Variants in PCDHGB1 observed in about 807,000 individuals in gnomAD.
PCDHGB1 encodes the protein protocadherin gamma-B1.
PCDHGB1 carries 34 observed loss-of-function variants against 56.6 expected under a neutral mutation model. The ratio of observed to expected loss-of-function variants is 0.60; its 90% CI spans 0.46 to 0.80. The LOEUF (loss-of-function observed/expected upper bound fraction) is 0.80, where lower values mean the gene tolerates loss of function less well. Ranked by LOEUF, PCDHGB1 falls within the 30% of genes least tolerant of loss-of-function variation. PCDHGB1 has a pLI of 0.00. For missense variants in PCDHGB1, 1,278 were observed against 1,204.6 expected (o/e 1.06, Z -0.90); for synonymous variants, 561 against 505.9 (o/e 1.11, Z -1.46).
chr5:141,484,699 T>A (rs899065665), intron 1 of PCDHGB1, among the ~76,000 whole-genome samples: 4 of 151,966 alleles, frequency 2.6e-5, no homozygotes, highest in African/African-American at 9.7e-5. Flanking sequence ...GCTGTGGCTG[T>A]TTTCCCCGCC....
chr5:141,488,564 G>A (rs1047904416), intron 1 of PCDHGB1, among the ~76,000 whole-genome samples: 4 of 152,154 alleles, frequency 2.6e-5, no homozygotes, highest in Non-Finnish European at 5.9e-5. Context: ...TGAGATTTCC[G>A]CAAAGCATTG....
At chr5:141,456,119 C>G (rs902179639) in intron 1 of PCDHGB1, among the ~76,000 whole-genome samples, 3 of 151,826 alleles carry the variant, frequency 2.0e-5, no homozygotes, top group Non-Finnish European at 4.4e-5. Flanking sequence ...GGATGGTCTC[C>G]ATCTCCTGAC....
At chr5:141,356,269 C>T in intron 1 of PCDHGB1, 1 of 1,562,502 alleles carries the variant, frequency 6.4e-7, no homozygotes, top group Non-Finnish European at 8.7e-7. Context: ...CAGCTCAGTC[C>T]AGGAATCTTC....
At chr5:141,469,438 G>T (rs2099201339) in intron 1 of PCDHGB1, among the ~76,000 whole-genome samples, 1 of 152,112 alleles carries the variant, frequency 6.6e-6, no homozygotes, top group African/African-American at 2.4e-5. Flanking sequence ...AGCTGGGCGT[G>T]GTGGTGCACA....
In PCDHGB1 at chr5:141,485,079, A is replaced by C; in HGVS notation, c.2410-9728A>C. ...AACCGCGCCAGAGCTGGCGCGGGGA[A>C]AGGGAGATAGGTGTCTCCAGCTGCT... is the stretch of plus-strand genomic sequence containing the variant. On this transcript the variant is annotated intron_variant, in intron 1 of 3. Transcript: ENST00000523390. This position sits in a 1 kb window ranked among gnomAD's most constrained non-coding sequence, Gnocchi z 5.7. 1 of 949,456 alleles carries C rather than the reference A, an allele frequency of 1.1e-6. No individual in the cohort carries two copies. The highest frequency in any genetic ancestry group is 1.6e-6 in the Non-Finnish European group (1 of 614,758). 58.8% of individuals were successfully genotyped at this position (949,456 alleles called of 1,614,324 possible).
At chr5:141,427,952 T>C (rs1311471634) in intron 1 of PCDHGB1, 38 of 1,587,018 alleles carry the variant, frequency 2.4e-5, no homozygotes, top group Non-Finnish European at 2.8e-5. Flanking sequence ...TCAATGACAA[T>C]GTGCCGCGGG....
chr5:141,407,009 T>C (rs1388688972), intron 1 of PCDHGB1, among the ~76,000 whole-genome samples: 1 of 152,198 alleles, frequency 6.6e-6, no homozygotes, highest in Non-Finnish European at 1.5e-5. Flanking sequence ...AGCTTTGAAG[T>C]TGACTCAAAA....
Position 141,487,007 on chromosome 5 carries a change from G to C in PCDHGB1, c.2410-7800G>C, listed in dbSNP as rs563548715. On this transcript the variant is annotated intron_variant, in intron 1 of 3. Transcript: ENST00000523390. This position sits in a 1 kb window ranked among gnomAD's most constrained non-coding sequence, Gnocchi z 5.0. ...TGCTTGGGTTTCCTATCAGCTCCTG[G>C]AGGCCCCAGATCCCAGCCTGTTTGC... The C allele has an allele frequency of 6.2e-7, 1 of 1,614,206 alleles. No individual in the cohort carries two copies. Among genetic ancestry groups the C allele is most frequent in the Non-Finnish European group, 8.5e-7 (1 of 1,180,042 alleles).
intron 1 of PCDHGB1, chr5:141,410,578 T>G: frequency 1.9e-6 from 3 of 1,610,984 alleles, no homozygotes; most frequent in Non-Finnish European, 2.5e-6. Context: ...TTCCACCTCA[T>G]GGTGGGGAGG....
chr5:141,371,751 C>T (rs1768003581), intron 1 of PCDHGB1: 1 of 1,613,918 alleles, frequency 6.2e-7, no homozygotes. Flanking sequence ...TCCCGTTTTC[C>T]ACCAGGCCTC....
Position 141,486,388 on chromosome 5 carries a change from C to T in PCDHGB1, c.2410-8419C>T, listed in dbSNP as rs2099628930. ...TCAAGTCTGCCTTCAGGAACCAGTT[C>T]TCCCTGGTGACTGCTGGACCCTTGG... On this transcript the variant is annotated intron_variant, in intron 1 of 3. Coordinates refer to ENST00000523390, the MANE Select transcript of PCDHGB1 (RefSeq NM_018922.3). This position sits in a 1 kb window ranked among gnomAD's most constrained non-coding sequence, Gnocchi z 5.0. 2 of 1,613,988 alleles carry T rather than the reference C, an allele frequency of 1.2e-6. No individual in the cohort carries two copies. The highest frequency in any genetic ancestry group is 2.7e-5 in the African/African-American group (2 of 74,924).
At chr5:141,372,676 CA>C (rs1170718624) in intron 1 of PCDHGB1, 3 of 1,613,898 alleles carry the variant, frequency 1.9e-6, no homozygotes, top group Non-Finnish European at 1.7e-6. Context: ...TCACATTCCT[CA>C]AACACCGAGT....
At chr5:141,433,560 G>A (rs1276743163) in intron 1 of PCDHGB1, among the ~76,000 whole-genome samples, 1 of 152,110 alleles carries the variant, frequency 6.6e-6, no homozygotes, top group East Asian at 1.9e-4. Flanking sequence ...TTCTGGCTGG[G>A]CGCGGTGGCT....
At chr5:141,376,407 A>G (rs1352753803) in intron 1 of PCDHGB1, 2 of 1,614,198 alleles carry the variant, frequency 1.2e-6, no homozygotes, top group Non-Finnish European at 1.7e-6. Flanking sequence ...CAGCCCAACT[A>G]TGCCGACACG....
intron 1 of PCDHGB1, chr5:141,366,994 T>C (rs991537979): frequency 6.5e-6 from 3 of 463,862 alleles, no homozygotes; most frequent in Non-Finnish European, 1.1e-5. Flanking sequence ...TGGTTAAATA[T>C]AATCATTTTA....
chr5:141,403,753 C>T lies in PCDHGB1; in HGVS notation c.2409+51084C>T, dbSNP rs767515334. 1.5e-5 allele frequency: 25 copies of T among 1,613,504 alleles called. No homozygotes were observed. In the South Asian group the frequency reaches 2.6e-4, roughly 17 times the overall value. On this transcript the variant is annotated intron_variant, in intron 1 of 3. Transcript: ENST00000523390. ...CCTGGCTGCTTACTGCAACAGCCAG[C>T]GACCTGGATGAGGGAATCAACGGAA...
intron 1 of PCDHGB1, among the ~76,000 whole-genome samples, chr5:141,455,574 C>T (rs1214642742): frequency 6.6e-6 from 1 of 152,158 alleles, no homozygotes; most frequent in Non-Finnish European, 1.5e-5. Flanking sequence ...CCTCCCACCC[C>T]AGCCTTTTAA....
chr5:141,384,206 C>T (rs887307433), intron 1 of PCDHGB1: 1 of 1,613,928 alleles, frequency 6.2e-7, no homozygotes. Context: ...TCCAGGGAAA[C>T]TCACATATTC....
intron 1 of PCDHGB1, chr5:141,361,668 C>A: frequency 1.2e-6 from 2 of 1,613,670 alleles, no homozygotes; most frequent in Non-Finnish European, 1.7e-6. Flanking sequence ...GCGCGCAGAG[C>A]GGGGTGGTGT....
Sources: gnomAD v4.1 joint callset for allele counts (sites outside exome capture counted in the v4.1 genomes callset) on GRCh38, gnomAD v4.1.1 for gene constraint, Gnocchi (gnomAD v3.1) non-coding constraint, MANE v1.5 for transcripts, NCBI Gene and HGNC (gene_info 2026-07-23, HGNC 2026-07-21) for gene names.